Variants in BCO1 observed in about 807,000 individuals in gnomAD.
BCO1 encodes beta-carotene oxygenase 1.
Under a neutral mutation model 56.3 loss-of-function variants are expected in BCO1, and 54 were observed. The observed-to-expected ratio is 0.96, with a 90% CI of 0.77 to 1.20. The LOEUF is 1.20. BCO1 is among the 50% of genes most tolerant of loss of function. The pLI is 0.00. For missense variants in BCO1, 801 were observed against 690.9 expected, an observed-to-expected ratio of 1.16 and a Z score of -1.79; for synonymous variants, 318 against 266.1, an observed-to-expected ratio of 1.20 and a Z score of -1.90.
chr16:81,252,691 G>A (rs886836747), intron 2 of BCO1, among the ~76,000 whole-genome samples: 1 of 152,202 alleles, frequency 6.6e-6, no homozygotes, highest in Non-Finnish European at 1.5e-5. Flanking sequence ...CCTTAAGTGG[G>A]CCTCTGTCTC....
chr16:81,268,191 G>A, intron 6 of BCO1, 60 bp downstream of exon 6: 1 of 1,475,400 alleles, frequency 6.8e-7, no homozygotes, highest in Non-Finnish European at 9.4e-7. Context: ...GGAGGCTGGT[G>A]TGCAGGAGGG....
intron 2 of BCO1, among the ~76,000 whole-genome samples, chr16:81,257,186 C>G (rs1373813831): frequency 6.6e-6 from 1 of 152,160 alleles, no homozygotes; most frequent in Non-Finnish European, 1.5e-5. Flanking sequence ...CTGACTTATT[C>G]CCAGCTGGGA....
intron 1 of BCO1, among the ~76,000 whole-genome samples, chr16:81,239,925 G>C (rs893890689): frequency 2.6e-5 from 4 of 152,132 alleles, no homozygotes; most frequent in African/African-American, 9.7e-5. Flanking sequence ...GAACAGCTGA[G>C]TCAGCTCAGG....
At chr16:81,242,824 C>T (rs143280832) in intron 1 of BCO1, among the ~76,000 whole-genome samples, 28 of 152,302 alleles carry the variant, frequency 1.8e-4, no homozygotes, top group East Asian at 9.6e-4. Context: ...GTTCTGCCTC[C>T]TCTCAGATCG....
At chr16:81,242,472 A>G (rs967568799) in intron 1 of BCO1, among the ~76,000 whole-genome samples, 2 of 152,074 alleles carry the variant, frequency 1.3e-5, no homozygotes, top group Non-Finnish European at 2.9e-5. Flanking sequence ...TAGTGCTAGG[A>G]TAACAGGCCT....
intron 4 of BCO1, among the ~76,000 whole-genome samples, chr16:81,264,284 G>A (rs1448718872): frequency 6.6e-6 from 1 of 152,208 alleles, no homozygotes; most frequent in Non-Finnish European, 1.5e-5. Flanking sequence ...TTTCTGCAGT[G>A]AGGAATCTTG....
At chr16:81,252,731 T>C (rs2151931243) in intron 2 of BCO1, among the ~76,000 whole-genome samples, 2 of 152,232 alleles carry the variant, frequency 1.3e-5, no homozygotes, top group South Asian at 4.2e-4. Flanking sequence ...GACCAGTGAG[T>C]ATGTGTGGCC....
chr16:81,249,413 C>A (rs555941031), intron 2 of BCO1, among the ~76,000 whole-genome samples: 1 of 152,114 alleles, frequency 6.6e-6, no homozygotes, highest in African/African-American at 2.4e-5. Context: ...CCCACCACCA[C>A]GCCTGGCTAA....
chr16:81,241,965 C>CACCTCCCACCCAT (rs1276542068), intron 1 of BCO1, among the ~76,000 whole-genome samples: 2 of 152,154 alleles, frequency 1.3e-5, no homozygotes, highest in Admixed American at 6.5e-5. Context: ...TGTAGCCTGG[C>CACCTCCCACCCAT]ACCTCCCACA....
intron 5 of BCO1, among the ~76,000 whole-genome samples, chr16:81,265,205 C>T (rs1341153883): frequency 6.6e-6 from 1 of 150,822 alleles, no homozygotes; most frequent in Non-Finnish European, 1.5e-5. Flanking sequence ...ACCTATCCAT[C>T]ACCCATCCAC....
chr16:81,261,924 A>G (rs971281258), intron 3 of BCO1: 24 of 494,938 alleles, frequency 4.8e-5, no homozygotes, highest in Non-Finnish European at 8.5e-5. Context: ...TGTATTTTTT[A>G]GTACAGACGG....
intron 5 of BCO1, 27 bp from the exon 6 acceptor site, chr16:81,267,880 TC>T (rs754942918): frequency 5.0e-6 from 8 of 1,606,944 alleles, no homozygotes; most frequent in Non-Finnish European, 6.8e-6. Flanking sequence ...CCTGCACAAT[TC>T]CTGAGGCTTG....
intron 7 of BCO1, among the ~76,000 whole-genome samples, chr16:81,273,929 G>A (rs1252502677): frequency 6.6e-6 from 1 of 152,168 alleles, no homozygotes; most frequent in Admixed American, 6.6e-5. Context: ...AAGAGAAAAA[G>A]GCATTGATTT....
intron 7 of BCO1, among the ~76,000 whole-genome samples, chr16:81,273,366 T>G (rs954334685): frequency 6.6e-5 from 10 of 152,148 alleles, no homozygotes; most frequent in African/African-American, 2.2e-4. Context: ...GAGCCTCAGA[T>G]GGGCCACACT....
intron 3 of BCO1, 126 bp downstream of exon 3, chr16:81,259,931 T>C: frequency 1.6e-5 from 19 of 1,200,014 alleles, no homozygotes; most frequent in African/African-American, 3.0e-5. Context: ...TGACTGCCCT[T>C]TAACCAGAGG....
chr16:81,262,093 G>A, intron 3 of BCO1, 43 bp from the exon 4 acceptor site: 1 of 1,608,410 alleles, frequency 6.2e-7, no homozygotes, highest in Non-Finnish European at 8.5e-7. Context: ...CTCTGGCTGG[G>A]TGGACATAGC....
intron 7 of BCO1, among the ~76,000 whole-genome samples, chr16:81,280,451 T>C (rs921181916): frequency 7.2e-5 from 11 of 152,172 alleles, no homozygotes; most frequent in African/African-American, 2.4e-4. Context: ...TACTCAGTGT[T>C]ATGTGATAAG....
At position 81,280,909 on chromosome 16, in the gene BCO1, C is replaced by A. The variant is rs1476130491; in HGVS notation, c.1154C>A (p.Ala385Asp). The A allele has an allele frequency of 1.9e-6, 3 of 1,613,958 alleles. No individual in the cohort carries two copies. The highest frequency in any genetic ancestry group is 2.2e-5 in the South Asian group (2 of 91,076). ...LIKVASTTAT[A>D]LKEEDGQVYC... is the part of the protein sequence containing the mutation. ...AAAGTGGCATCTACAACAGCCACGG[C>A]CCTGAAGGAAGAAGATGGCCAAGTC... Residue 385 changes from alanine (A) to aspartate (D), a missense_variant, in exon 8 of 11, where the codon GCC (alanine) becomes GAC (aspartate). Coordinates refer to ENST00000258168, the MANE Select transcript of BCO1 (RefSeq NM_017429.3).
intron 2 of BCO1, among the ~76,000 whole-genome samples, chr16:81,253,508 C>G (rs1905938781): frequency 6.6e-6 from 1 of 152,184 alleles, no homozygotes; most frequent in Non-Finnish European, 1.5e-5. Context: ...GAATCCTGGC[C>G]ATTCTGCTCA....
Sources: allele counts gnomAD v4.1 joint callset (sites outside exome capture counted in the v4.1 genomes callset), GRCh38; gene constraint gnomAD v4.1.1; transcripts MANE v1.5; gene names NCBI Gene and HGNC (gene_info 2026-07-23, HGNC 2026-07-21).